SLC35F1: variants seen among roughly 807,000 people sequenced by gnomAD.
SLC35F1 encodes the protein solute carrier family 35 member F1.
In SLC35F1, 14 loss-of-function variants were observed where a neutral mutation model predicts 48.7. The observed-to-expected ratio is 0.29, with a 90% CI of 0.19 to 0.45. The LOEUF (loss-of-function observed/expected upper bound fraction) is 0.45. Among genes scored for constraint, SLC35F1 ranks in the 20% least tolerant of loss-of-function variants. The probability of loss-of-function intolerance (pLI) is 1.00; values close to 1 mark genes in which losing one functional copy is unlikely to be tolerated. For missense variants in SLC35F1, 404 were observed against 500.0 expected (o/e 0.81, Z 1.83); for synonymous variants, 190 against 202.2 (o/e 0.94, Z 0.51).
intron 1 of SLC35F1, among the ~76,000 whole-genome samples, chr6:118,114,809 G>A (rs1294328801): frequency 6.6e-6 from 1 of 152,180 alleles, no homozygotes; most frequent in Non-Finnish European, 1.5e-5. Flanking sequence ...GGAACTAATA[G>A]TATTTACGAT....
chr6:118,297,622 T>TTATATATATA (rs1260418816), intron 7 of SLC35F1, among the ~76,000 whole-genome samples: 1 of 96,930 alleles, frequency 1.0e-5, no homozygotes, highest in African/African-American at 4.5e-5. Context: ...TTCTCAGAAC[T>TTATATATATA]TATATATATA....
intron 1 of SLC35F1, among the ~76,000 whole-genome samples, chr6:118,037,636 T>C (rs941930413): frequency 6.6e-6 from 1 of 152,108 alleles, no homozygotes; most frequent in East Asian, 1.9e-4. Context: ...CCATCAGTGA[T>C]AGGCTGGATA....
chr6:117,943,546 T>C lies in SLC35F1; in HGVS notation c.173+35647T>C, dbSNP rs374359091. On this transcript the variant is annotated intron_variant, in intron 1 of 7. Coordinates refer to ENST00000360388, the MANE Select transcript of SLC35F1 (RefSeq NM_001029858.4). ...TGTGAAATTTTGTGTAAAGTTCTTA[T>C]GGCTTTAAGAATACATCAGTAGGAG... Among the ~76,000 whole-genome samples, 47 of 152,358 alleles carry C rather than the reference T, an allele frequency of 3.1e-4. No individual in the cohort carries two copies. The East Asian group carries it at 5.6e-3, about 18-fold the overall frequency.
At chr6:117,908,089 G>A (rs1275312716) in intron 1 of SLC35F1, among the ~76,000 whole-genome samples, 190 bp downstream of exon 1, 7 of 152,232 alleles carry the variant, frequency 4.6e-5, no homozygotes, top group Non-Finnish European at 1.0e-4. Context: ...CCGGCGCAGG[G>A]AGCCCTGGAG....
At chr6:118,209,872 A>C (rs984940751) in intron 2 of SLC35F1, among the ~76,000 whole-genome samples, 1 of 152,166 alleles carries the variant, frequency 6.6e-6, no homozygotes, top group African/African-American at 2.4e-5. Context: ...CGACTTTCCA[A>C]TATTTCTCTT....
chr6:117,966,461 C>T (rs537831922), intron 1 of SLC35F1, among the ~76,000 whole-genome samples: 65 of 152,222 alleles, frequency 4.3e-4, no homozygotes, highest in Middle Eastern at 3.4e-3. Flanking sequence ...ACTCGGGATG[C>T]GCTGCCTTTA....
chr6:118,036,244 A>G (rs1772130550), intron 1 of SLC35F1, among the ~76,000 whole-genome samples: 1 of 152,166 alleles, frequency 6.6e-6, no homozygotes. Context: ...TCACTTAGGT[A>G]AATGTATTTC....
At chr6:118,088,192 A>C (rs1773019436) in intron 1 of SLC35F1, among the ~76,000 whole-genome samples, 1 of 152,334 alleles carries the variant, frequency 6.6e-6, no homozygotes, top group Non-Finnish European at 1.5e-5. Context: ...ATCTCACACA[A>C]AGAACTATTT....
chr6:118,104,952 T>C (rs1773309018), intron 1 of SLC35F1, among the ~76,000 whole-genome samples: 1 of 152,164 alleles, frequency 6.6e-6, no homozygotes, highest in African/African-American at 2.4e-5. Context: ...CACTGCACCC[T>C]CCAGAGCTGC....
intron 1 of SLC35F1, among the ~76,000 whole-genome samples, chr6:118,045,403 G>A (rs930727349): frequency 3.3e-5 from 5 of 152,136 alleles, no homozygotes; most frequent in Admixed American, 6.6e-5. Context: ...GAGGTCTCAA[G>A]GGCACAGCAC....
intron 1 of SLC35F1, among the ~76,000 whole-genome samples, chr6:118,090,612 AAGG>A (rs1773059223): frequency 6.6e-6 from 1 of 152,102 alleles, no homozygotes; most frequent in South Asian, 2.1e-4. Context: ...GAACAGTGAG[AAGG>A]AGATGAGGCT....
At chr6:118,112,096 CTTTTCTTTTCT>C (rs1773413996) in intron 1 of SLC35F1, among the ~76,000 whole-genome samples, 1 of 51,824 alleles carries the variant, frequency 1.9e-5, no homozygotes, top group African/African-American at 7.0e-5. Flanking sequence ...CTTTTCTTTT[CTTTTCTTTTCT>C]TTTCTTTTCT....
chr6:117,957,357 A>G (rs1776440081), intron 1 of SLC35F1, among the ~76,000 whole-genome samples: 1 of 152,220 alleles, frequency 6.6e-6, no homozygotes, highest in Non-Finnish European at 1.5e-5. Context: ...AGCCACAAGA[A>G]TTAAAGAAAA....
chr6:118,248,954 A>G (rs1775539872), intron 3 of SLC35F1, among the ~76,000 whole-genome samples: 1 of 152,202 alleles, frequency 6.6e-6, no homozygotes, highest in African/African-American at 2.4e-5. Context: ...TAGTGCCCTT[A>G]TAAAAGAGAC....
At position 118,105,414 on chromosome 6, in the gene SLC35F1, G is replaced by A. The variant is rs575674070; in HGVS notation, c.174-49031G>A. ...CCAGAGACCTACTCTATGTCTACCC[G>A]GTGGACCTTGTTACCACCATCTCCA... On this transcript the variant is annotated intron_variant, in intron 1 of 7. Coordinates refer to ENST00000360388, the MANE Select transcript of SLC35F1 (RefSeq NM_001029858.4). Among the ~76,000 whole-genome samples the A allele has an allele frequency of 7.2e-5, 11 of 152,166 alleles. No individual in the cohort carries two copies. In the East Asian group the frequency reaches 9.7e-4, roughly 13 times the overall value.
At chr6:118,055,675 G>C (rs1772453077) in intron 1 of SLC35F1, among the ~76,000 whole-genome samples, 1 of 152,126 alleles carries the variant, frequency 6.6e-6, no homozygotes, top group Admixed American at 6.5e-5. Context: ...AGGTCTACAA[G>C]CAGAAAAGTT....
At chr6:118,039,974 G>C (rs753448288) in intron 1 of SLC35F1, among the ~76,000 whole-genome samples, 11 of 151,996 alleles carry the variant, frequency 7.2e-5, no homozygotes, top group Non-Finnish European at 1.5e-4. Context: ...CAATCAACTT[G>C]ATTAATTCTG....
intron 1 of SLC35F1, among the ~76,000 whole-genome samples, chr6:118,011,630 T>G (rs141359759): frequency 6.6e-6 from 1 of 152,154 alleles, no homozygotes; most frequent in Non-Finnish European, 1.5e-5. Flanking sequence ...AGGGTTGTGC[T>G]CCTATAAGAA....
chr6:118,122,540 G>A (rs1256162306), intron 1 of SLC35F1, among the ~76,000 whole-genome samples: 1 of 152,240 alleles, frequency 6.6e-6, no homozygotes, highest in Non-Finnish European at 1.5e-5. Flanking sequence ...CTTGGAAAAT[G>A]AGATGTGCAT....
Sources: allele counts gnomAD v4.1 joint callset (sites outside exome capture counted in the v4.1 genomes callset), GRCh38; gene constraint gnomAD v4.1.1; transcripts MANE v1.5; gene names NCBI Gene and HGNC (gene_info 2026-07-23, HGNC 2026-07-21).